Variants in GPM6A observed in about 807,000 individuals in gnomAD.
The protein encoded by GPM6A is glycoprotein M6A.
Under a neutral mutation model 32.1 loss-of-function variants are expected in GPM6A, and 7 were observed. The ratio of observed to expected loss-of-function variants is 0.22; its 90% CI spans 0.12 to 0.41. The LOEUF (loss-of-function observed/expected upper bound fraction) is 0.41. Among genes scored for constraint, GPM6A ranks in the 10% least tolerant of loss-of-function variants. GPM6A has a pLI of 1.00. For missense variants in GPM6A, 235 were observed against 347.2 expected (o/e 0.68, Z 2.57); for synonymous variants, 130 against 123.4 (o/e 1.05, Z -0.35).
intron 4 of GPM6A, among the ~76,000 whole-genome samples, chr4:175,643,328 A>G (rs1741264707): frequency 6.6e-6 from 1 of 152,100 alleles, no homozygotes; most frequent in South Asian, 2.1e-4. Flanking sequence ...CACACCTATA[A>G]TGTTCTGTAA....
intron 1 of GPM6A, among the ~76,000 whole-genome samples, chr4:175,767,627 T>C (rs149588519): frequency 6.6e-6 from 1 of 152,366 alleles, no homozygotes; most frequent in African/African-American, 2.4e-5. Context: ...TTGTGCACCA[T>C]CTAATAAAAT....
intron 1 of GPM6A, among the ~76,000 whole-genome samples, chr4:175,847,336 G>A (rs181204457): frequency 6.6e-6 from 1 of 152,260 alleles, no homozygotes; most frequent in Admixed American, 6.5e-5. Context: ...GTCAACCGCA[G>A]TCCAAAAATA....
chr4:175,711,409 A>AATATATATAT (rs36105210), intron 1 of GPM6A, among the ~76,000 whole-genome samples: 84 of 53,240 alleles, frequency 1.6e-3, no homozygotes, highest in African/African-American at 4.4e-3. Flanking sequence ...TGGCACACCA[A>AATATATATAT]ATATATATAT....
At chr4:175,747,522 T>G (rs934994336) in intron 1 of GPM6A, among the ~76,000 whole-genome samples, 19 of 152,194 alleles carry the variant, frequency 1.2e-4, no homozygotes, top group African/African-American at 4.6e-4. Flanking sequence ...CACACACATA[T>G]TTTTTGAGTT....
chr4:175,685,916 AGTGT>A (rs56903622), intron 2 of GPM6A, among the ~76,000 whole-genome samples: 7,352 of 149,446 alleles, frequency 0.049, 199 homozygotes, highest in Non-Finnish European at 0.064. Context: ...GATCATTAAA[AGTGT>A]GTGTGTGTGT....
intron 1 of GPM6A, among the ~76,000 whole-genome samples, chr4:175,893,155 C>A (rs1261324392): frequency 6.6e-6 from 1 of 152,182 alleles, no homozygotes; most frequent in Non-Finnish European, 1.5e-5. Context: ...ACCTACGAGC[C>A]TGATGCTCAG....
chr4:175,949,771 T>C (rs936071379), intron 1 of GPM6A, among the ~76,000 whole-genome samples: 3 of 152,342 alleles, frequency 2.0e-5, no homozygotes, highest in South Asian at 2.1e-4. Context: ...GGCTTTACAG[T>C]CTTGTTCATT....
At chr4:175,891,241 C>G (rs1184246058) in intron 1 of GPM6A, among the ~76,000 whole-genome samples, 2 of 152,182 alleles carry the variant, frequency 1.3e-5, no homozygotes, top group Non-Finnish European at 2.9e-5. Context: ...ATGACCAAAT[C>G]TCCTCTATTT....
At chr4:176,001,127 A>G (rs6553899) in intron 1 of GPM6A, among the ~76,000 whole-genome samples, 105,201 of 152,022 alleles carry the variant, frequency 0.69, 36,571 homozygotes, top group Admixed American at 0.75. Flanking sequence ...AAACTCCAGA[A>G]ATTAGTAGTC....
At chr4:175,986,705 T>C (rs1353132119) in intron 1 of GPM6A, among the ~76,000 whole-genome samples, 1 of 152,210 alleles carries the variant, frequency 6.6e-6, no homozygotes, top group African/African-American at 2.4e-5. Context: ...TCGTTTTAAG[T>C]GAACAATTTA....
intron 1 of GPM6A, among the ~76,000 whole-genome samples, chr4:175,821,207 A>G (rs187269366): frequency 2.0e-4 from 30 of 152,296 alleles, no homozygotes; most frequent in Middle Eastern, 3.4e-3. Context: ...TATTAATTAT[A>G]TATCTTAATA....
chr4:175,659,378 C>T lies in GPM6A; in HGVS notation c.388-7391G>A, dbSNP rs1394954562. On this transcript the variant is annotated intron_variant, in intron 3 of 6. Transcript: ENST00000393658. ...TACAGGAGTAAGCCACTGCACTTGGCGGAGATACCTTTTTTTAAAGAGTAA... is the reference window on the plus strand; with the variant it reads ...TACAGGAGTAAGCCACTGCACTTGGTGGAGATACCTTTTTTTAAAGAGTAA... 2.0e-5 allele frequency among the ~76,000 whole-genome samples: 3 copies of T among 151,878 alleles called. No individual in the cohort carries two copies. The South Asian group carries it at 6.2e-4, about 32-fold the overall frequency.
chr4:175,815,134 C>T (rs780143334), upstream of GPM6A, among the ~76,000 whole-genome samples: 1 of 152,098 alleles, frequency 6.6e-6, no homozygotes, highest in Non-Finnish European at 1.5e-5. Context: ...CCTCAGCCTC[C>T]CGAGTAGCTG....
At chr4:175,840,794 A>G (rs769717847) in intron 1 of GPM6A, among the ~76,000 whole-genome samples, 5 of 152,252 alleles carry the variant, frequency 3.3e-5, no homozygotes, top group South Asian at 2.1e-4. Context: ...GGGCTAAGTC[A>G]TAAGGCAGCA....
At chr4:175,779,459 G>T (rs188812483) in intron 1 of GPM6A, among the ~76,000 whole-genome samples, 2 of 152,238 alleles carry the variant, frequency 1.3e-5, no homozygotes, top group African/African-American at 4.8e-5. Flanking sequence ...TGAGTGTAAT[G>T]AATAGCATTC....
chr4:175,998,198 G>C (rs1169118265), intron 1 of GPM6A, among the ~76,000 whole-genome samples: 1 of 151,614 alleles, frequency 6.6e-6, no homozygotes, highest in Non-Finnish European at 1.5e-5. Context: ...CTGTTGTCCA[G>C]GCTGGAGTGT....
intron 1 of GPM6A, among the ~76,000 whole-genome samples, chr4:175,822,794 C>T (rs1464261042): frequency 6.6e-6 from 1 of 152,062 alleles, no homozygotes; most frequent in African/African-American, 2.4e-5. Flanking sequence ...GACCTGCATG[C>T]ATTAGGTATT....
At chr4:175,779,186 C>A (rs1733515519) in intron 1 of GPM6A, among the ~76,000 whole-genome samples, 1 of 152,152 alleles carries the variant, frequency 6.6e-6, no homozygotes, top group South Asian at 2.1e-4. Flanking sequence ...GTGAGCACTG[C>A]AGTTTCTCAC....
At chr4:175,885,731 C>T (rs969825847) in intron 1 of GPM6A, among the ~76,000 whole-genome samples, 2 of 152,178 alleles carry the variant, frequency 1.3e-5, no homozygotes, top group African/African-American at 2.4e-5. Context: ...TCACCATGTT[C>T]ATTGTAGCAG....
Sources: gnomAD v4.1 joint callset for allele counts (sites outside exome capture counted in the v4.1 genomes callset) on GRCh38, gnomAD v4.1.1 for gene constraint, MANE v1.5 for transcripts, NCBI Gene and HGNC (gene_info 2026-07-23, HGNC 2026-07-21) for gene names.